The following FBXL2 variants were observed in gnomAD, a reference collection of about 807,000 sequenced individuals.
FBXL2 encodes the protein F-box and leucine rich repeat protein 2, also known as F-box/LRR-repeat protein 2.
A neutral mutation model predicts 69.2 loss-of-function variants in FBXL2; 38 were observed. That is an observed-to-expected ratio of 0.55 (90% confidence interval 0.42 to 0.72). The LOEUF is 0.72. Among genes scored for constraint, FBXL2 ranks in the 30% least tolerant of loss-of-function variants. FBXL2 has a pLI of 0.00. For synonymous variants in FBXL2, 192 were observed against 201.3 expected (o/e 0.95, Z 0.39); for missense variants, 354 against 520.3 (o/e 0.68, Z 3.11).
intron 2 of FBXL2, among the ~76,000 whole-genome samples, chr3:33,298,450 T>C (rs1186481063): frequency 6.6e-6 from 1 of 152,062 alleles, no homozygotes; most frequent in East Asian, 1.9e-4. Context: ...GGTGGGTAGA[T>C]CACTTGAGGC....
At chr3:33,375,479 T>C in intron 10 of FBXL2, 61 bp downstream of exon 10, 1 of 1,586,822 alleles carries the variant, frequency 6.3e-7, no homozygotes, top group East Asian at 2.3e-5. Context: ...CCAAGAGGGC[T>C]TCCTTCAGGA....
At chr3:33,420,566 G>C in the FBXL2 span, among the ~76,000 whole-genome samples, 2 of 146,552 alleles carry the variant, frequency 1.4e-5, no homozygotes, top group African/African-American at 5.1e-5. Context: ...TTGGCTCACT[G>C]CAACCTCCGC....
At chr3:33,379,990 T>C (rs2042923506) in intron 13 of FBXL2, among the ~76,000 whole-genome samples, 1 of 152,106 alleles carries the variant, frequency 6.6e-6, no homozygotes, top group Non-Finnish European at 1.5e-5. Context: ...CCCAGCACTT[T>C]GGGAGGCTGA....
intron 13 of FBXL2, among the ~76,000 whole-genome samples, chr3:33,381,134 A>T (rs1312229885): frequency 6.6e-6 from 1 of 152,186 alleles, no homozygotes; most frequent in Non-Finnish European, 1.5e-5. Flanking sequence ...ATCAGTTTTT[A>T]AAAATTTCTA....
downstream of FBXL2, chr3:33,408,612 T>C (rs991629564): frequency 9.8e-5 from 119 of 1,209,258 alleles, no homozygotes; most frequent in Non-Finnish European, 1.2e-4. Context: ...TGGCTTTACT[T>C]TGCGGTGGAA....
chr3:33,413,430 C>T, the FBXL2 span, among the ~76,000 whole-genome samples: 1 of 151,580 alleles, frequency 6.6e-6, no homozygotes, highest in African/African-American at 2.4e-5. Flanking sequence ...GCCTGTAGTA[C>T]CAGCTACTTG....
chr3:33,417,320 T>C, the FBXL2 span, among the ~76,000 whole-genome samples: 20 of 144,850 alleles, frequency 1.4e-4, no homozygotes, highest in Admixed American at 3.6e-4. Context: ...CTGCTAGCGA[T>C]CACCAATCCA....
At position 33,375,234 on chromosome 3, in the gene FBXL2, G is replaced by A. The variant is rs1160178986; in HGVS notation, c.658-54G>A. 1.6e-5 allele frequency: 25 copies of A among 1,587,898 alleles called. No individual in the cohort carries two copies. The South Asian group carries it at 2.2e-4, about 14-fold the overall frequency. On this transcript the variant is annotated intron_variant, in intron 9 of 14. Coordinates refer to ENST00000484457, the MANE Select transcript of FBXL2 (RefSeq NM_012157.5). ...CAGCAGATACTTTTCTGCTGCTCCCGTTTTGGTATTGCTGGTGTCCTCTGA... is the reference window on the plus strand; with the variant it reads ...CAGCAGATACTTTTCTGCTGCTCCCATTTTGGTATTGCTGGTGTCCTCTGA...
At chr3:33,374,984 A>G (rs995009439) in intron 9 of FBXL2, among the ~76,000 whole-genome samples, 3 of 152,204 alleles carry the variant, frequency 2.0e-5, no homozygotes, top group Admixed American at 6.5e-5. Flanking sequence ...GAAAAAATCT[A>G]TATTTTGATG....
intron 2 of FBXL2, among the ~76,000 whole-genome samples, chr3:33,337,224 A>C (rs1224807557): frequency 2.6e-5 from 4 of 152,148 alleles, no homozygotes; most frequent in African/African-American, 9.7e-5. Context: ...CAAACAAACA[A>C]AAAAACCTTA....
intron 2 of FBXL2, among the ~76,000 whole-genome samples, chr3:33,298,962 T>C (rs533629709): frequency 7.9e-5 from 12 of 152,036 alleles, no homozygotes; most frequent in African/African-American, 2.9e-4. Context: ...TGCATGGCGA[T>C]GATACAAGTT....
chr3:33,298,604 G>A (rs1174513094), intron 2 of FBXL2, among the ~76,000 whole-genome samples: 1 of 149,616 alleles, frequency 6.7e-6, no homozygotes, highest in Non-Finnish European at 1.5e-5. Context: ...GCTGAGGCAG[G>A]AGAATCATTT....
intron 4 of FBXL2, 35 bp downstream of exon 4, chr3:33,359,392 A>T (rs751274219): frequency 1.3e-6 from 2 of 1,489,956 alleles, no homozygotes; most frequent in Non-Finnish European, 1.9e-6. Context: ...AAAACTTTTT[A>T]AAAATATGAG....
intron 2 of FBXL2, among the ~76,000 whole-genome samples, chr3:33,317,223 C>A (rs118144318): frequency 6.6e-6 from 1 of 152,120 alleles, no homozygotes; most frequent in Admixed American, 6.5e-5. Flanking sequence ...TCATCACCCC[C>A]CAAAGTTCCC....
chr3:33,383,261 C>G (rs13078580), intron 13 of FBXL2: 11,233 of 152,468 alleles, frequency 0.074, 606 homozygotes, highest in Non-Finnish European at 0.12. Flanking sequence ...GGAATTGATA[C>G]AGTACTTTTG....
chr3:33,312,584 G>A (rs1013263565), intron 2 of FBXL2, among the ~76,000 whole-genome samples: 2 of 152,160 alleles, frequency 1.3e-5, no homozygotes, highest in Non-Finnish European at 1.5e-5. Context: ...GAGATTCTGG[G>A]AAGGCTATCT....
chr3:33,390,268 A>T, downstream of FBXL2: 5 of 1,499,652 alleles, frequency 3.3e-6, no homozygotes, highest in Non-Finnish European at 3.7e-6. Flanking sequence ...TCTTGGATTC[A>T]GTCTTCACAC....
At chr3:33,359,756 G>A (rs539649391) in intron 4 of FBXL2, among the ~76,000 whole-genome samples, 111 of 151,426 alleles carry the variant, frequency 7.3e-4, no homozygotes, top group Non-Finnish European at 1.3e-3. Context: ...AGTGAGGCTG[G>A]AGATCTAAAG....
chr3:33,300,094 G>A (rs1460203123), intron 2 of FBXL2, among the ~76,000 whole-genome samples: 1 of 152,068 alleles, frequency 6.6e-6, no homozygotes, highest in Admixed American at 6.5e-5. Flanking sequence ...ATCATAAGCA[G>A]CTTCAGGCAG....
Sources: gnomAD v4.1 joint callset for allele counts (sites outside exome capture counted in the v4.1 genomes callset) on GRCh38, gnomAD v4.1.1 for gene constraint, MANE v1.5 for transcripts, NCBI Gene and HGNC (gene_info 2026-07-23, HGNC 2026-07-21) for gene names.